The following RABGEF1 variants were observed in gnomAD, a reference collection of about 807,000 sequenced individuals.
RABGEF1 encodes the protein RAB guanine nucleotide exchange factor 1.
RABGEF1 carries 26 observed loss-of-function variants against 57.3 expected under a neutral mutation model. That is an observed-to-expected ratio of 0.45 (90% CI 0.33 to 0.63). RABGEF1 has a LOEUF of 0.63. Ranked by LOEUF, RABGEF1 falls within the 20% of genes least tolerant of loss-of-function variation. The pLI is 0.02. For missense variants in RABGEF1, 464 were observed against 607.6 expected (o/e 0.76, Z 2.48); for synonymous variants, 185 against 210.7 (o/e 0.88, Z 1.06).
At chr7:66,782,493 G>T (rs535578525) in intron 3 of RABGEF1, among the ~76,000 whole-genome samples, 6 of 149,946 alleles carry the variant, frequency 4.0e-5, no homozygotes, top group Middle Eastern at 3.5e-3. Flanking sequence ...AAGAGACAAG[G>T]TCTCATTCTT....
intron 1 of RABGEF1, among the ~76,000 whole-genome samples, chr7:66,764,096 T>C (rs995686523): frequency 3.3e-5 from 5 of 152,276 alleles, no homozygotes; most frequent in African/African-American, 1.2e-4. Context: ...ACAAACAGTA[T>C]ATGAGGGTTC....
chr7:66,719,972 C>T (rs1269097548), intron 2 of RABGEF1, among the ~76,000 whole-genome samples: 2 of 151,894 alleles, frequency 1.3e-5, no homozygotes, highest in African/African-American at 2.4e-5. Flanking sequence ...GAAAGATTAG[C>T]AAATCAAACC....
chr7:66,769,976 G>T (rs754494337), intron 1 of RABGEF1, among the ~76,000 whole-genome samples: 5 of 152,110 alleles, frequency 3.3e-5, no homozygotes, highest in African/African-American at 4.8e-5. Flanking sequence ...TCAACACAAG[G>T]CTCTTTAAGG....
chr7:66,750,656 T>C (rs528936473), intron 1 of RABGEF1, among the ~76,000 whole-genome samples: 1 of 152,370 alleles, frequency 6.6e-6, no homozygotes, highest in East Asian at 1.9e-4. Context: ...CATATAATGG[T>C]GCTTGAGAAA....
At chr7:66,726,871 G>T (rs1796642037) in intron 2 of RABGEF1, among the ~76,000 whole-genome samples, 1 of 152,118 alleles carries the variant, frequency 6.6e-6, no homozygotes, top group Non-Finnish European at 1.5e-5. Context: ...GGGTGTGGTG[G>T]CATGTGCCTG....
intron 1 of RABGEF1, among the ~76,000 whole-genome samples, chr7:66,698,890 A>G (rs1000400990): frequency 1.2e-4 from 19 of 152,296 alleles, no homozygotes; most frequent in African/African-American, 4.3e-4. Context: ...AGGGACACCT[A>G]CAGCAGGGGG....
At position 66,715,919 on chromosome 7, in the gene RABGEF1, A is replaced by G. The variant is rs906958995; in HGVS notation, c.-815+3695A>G. Among the ~76,000 whole-genome samples the G allele has an allele frequency of 6.6e-5, 10 of 152,092 alleles. No homozygotes were observed. The East Asian group carries it at 9.6e-4, about 15-fold the overall frequency. ...CAGGCATGTGCCATCATGCCTGGCT[A>G]TGTGCCTTCAAAAAGACTACAGTTG... On this transcript the variant is annotated intron_variant and NMD_transcript_variant, in intron 2 of 9. Transcript: ENST00000607882.
chr7:66,747,616 GTT>G (rs1800547859), intron 1 of RABGEF1, among the ~76,000 whole-genome samples: 1 of 152,024 alleles, frequency 6.6e-6, no homozygotes, highest in South Asian at 2.1e-4. Flanking sequence ...CATAGTGAAA[GTT>G]TTATTTTTGT....
At chr7:66,753,205 G>A (rs1432251827) in intron 1 of RABGEF1, among the ~76,000 whole-genome samples, 2 of 152,140 alleles carry the variant, frequency 1.3e-5, no homozygotes, top group African/African-American at 4.8e-5. Context: ...TTCATAAATA[G>A]GATGACCATG....
intron 4 of RABGEF1, among the ~76,000 whole-genome samples, chr7:66,790,008 A>G (rs1157264912): frequency 6.6e-6 from 1 of 152,228 alleles, no homozygotes; most frequent in Non-Finnish European, 1.5e-5. Context: ...AAGTCAAGTT[A>G]GAAGAGCAGC....
At chr7:66,727,666 C>T (rs1480101530) in intron 2 of RABGEF1, among the ~76,000 whole-genome samples, 3 of 152,234 alleles carry the variant, frequency 2.0e-5, no homozygotes, top group Non-Finnish European at 4.4e-5. Context: ...GGCCCATGCT[C>T]CCAGCCAGGC....
intron 4 of RABGEF1, among the ~76,000 whole-genome samples, chr7:66,786,952 G>A (rs1462892006): frequency 6.6e-6 from 1 of 152,130 alleles, no homozygotes; most frequent in African/African-American, 2.4e-5. Context: ...AATCATCATA[G>A]CAAGAATTTA....
At position 66,760,186 on chromosome 7, in the gene RABGEF1, T is replaced by G. The variant is rs560812025; in HGVS notation, c.-17-11697T>G. Among the ~76,000 whole-genome samples the G allele has an allele frequency of 3.3e-5, 5 of 152,208 alleles. No homozygotes were observed. The South Asian group carries it at 1.0e-3, about 32-fold the overall frequency. ...TACACCATTTTCCTTCCCCTCCTCT[T>G]CCTTGCCTTCGACACTCTTAACCTG... On this transcript the variant is annotated intron_variant, in intron 1 of 8. Coordinates refer to ENST00000284957, the MANE Select transcript of RABGEF1 (RefSeq NM_014504.3).
At chr7:66,689,802 CAA>C (rs200381594) in intron 1 of RABGEF1, among the ~76,000 whole-genome samples, 21 of 107,300 alleles carry the variant, frequency 2.0e-4, no homozygotes, top group Non-Finnish European at 1.8e-4. Context: ...GACTTCGTCT[CAA>C]AAAAAAAAAA....
At chr7:66,697,219 T>C (rs1189208762) in intron 1 of RABGEF1, among the ~76,000 whole-genome samples, 1 of 152,080 alleles carries the variant, frequency 6.6e-6, no homozygotes, top group African/African-American at 2.4e-5. Flanking sequence ...TTGGATTCAA[T>C]AAGAGACCCA....
intron 1 of RABGEF1, among the ~76,000 whole-genome samples, chr7:66,770,810 A>T (rs1806920106): frequency 6.6e-6 from 1 of 152,142 alleles, no homozygotes; most frequent in Non-Finnish European, 1.5e-5. Context: ...TACAGTAGCC[A>T]TCCTAATGGG....
intron 2 of RABGEF1, among the ~76,000 whole-genome samples, chr7:66,721,851 T>G (rs1796084429): frequency 6.6e-6 from 1 of 152,112 alleles, no homozygotes; most frequent in Admixed American, 6.5e-5. Flanking sequence ...CCTTGGTGCT[T>G]TGAAACAGAA....
chr7:66,677,621 G>A (rs1226259116), upstream of RABGEF1, among the ~76,000 whole-genome samples: 2 of 152,078 alleles, frequency 1.3e-5, no homozygotes, highest in East Asian at 3.9e-4. Context: ...AATTAGCTGG[G>A]CTTGGTGGCG....
chr7:66,797,778 T>C (rs1289475511), intron 6 of RABGEF1, among the ~76,000 whole-genome samples: 1 of 152,330 alleles, frequency 6.6e-6, no homozygotes, highest in South Asian at 2.1e-4. Context: ...ATAGGGGGAC[T>C]GTGTTCTTGG....
Sources: gnomAD v4.1 joint callset for allele counts (sites outside exome capture counted in the v4.1 genomes callset) on GRCh38, gnomAD v4.1.1 for gene constraint, MANE v1.5 for transcripts, NCBI Gene and HGNC (gene_info 2026-07-23, HGNC 2026-07-21) for gene names.